Variants in ARID4A observed in about 807,000 individuals in gnomAD.
ARID4A encodes AT-rich interactive domain-containing protein 4A.
Under a neutral mutation model 148.6 loss-of-function variants are expected in ARID4A, and 39 were observed. The ratio of observed to expected loss-of-function variants is 0.26; its 90% CI spans 0.20 to 0.34. ARID4A has a LOEUF of 0.34. Among genes scored for constraint, ARID4A ranks in the 10% least tolerant of loss-of-function variants. ARID4A has a pLI of 1.00. For synonymous variants in ARID4A, 475 were observed against 481.2 expected (o/e 0.99, Z 0.17); for missense variants, 1,265 against 1,449.1 (o/e 0.87, Z 2.06).
In ARID4A at chr14:58,306,589, C is replaced by T. The variant is rs112336016; in HGVS notation, c.274+477C>T. Among the ~76,000 whole-genome samples the T allele has an allele frequency of 2.2e-4, 34 of 152,270 alleles. No homozygotes were observed. The Middle Eastern group carries it at 0.014, about 61-fold the overall frequency. On this transcript the variant is annotated intron_variant, in intron 5 of 23. Transcript: ENST00000355431. ...ACAGTGTGGGTGCTCATATTAACAG[C>T]TTTCAAGGTCGGGCATGTTGGCTCA...
chr14:58,322,978 A>AT (rs1401747140), intron 7 of ARID4A, among the ~76,000 whole-genome samples: 17 of 141,182 alleles, frequency 1.2e-4, no homozygotes, highest in South Asian at 6.7e-4. Flanking sequence ...AAAAAAAAAA[A>AT]AAATATATAT....
chr14:58,313,941 ACTGGCACATGTGCCAGTTTCCT>A (rs542394544), intron 5 of ARID4A, among the ~76,000 whole-genome samples: 3 of 152,124 alleles, frequency 2.0e-5, no homozygotes, highest in Non-Finnish European at 4.4e-5. Flanking sequence ...CACCTGGTTC[ACTGGCACATGTGCCAGTTTCCT>A]CTGGCACACC....
At chr14:58,304,820 C>G (rs1357389863) in intron 3 of ARID4A, 124 bp from the exon 4 acceptor site, 3 of 772,696 alleles carry the variant, frequency 3.9e-6, no homozygotes, top group Non-Finnish European at 6.4e-6. Context: ...ATAAGTATTA[C>G]ATTAGCAGGG....
chr14:58,352,529 ATTTAT>A (rs1361242336), intron 16 of ARID4A, among the ~76,000 whole-genome samples: 2 of 152,336 alleles, frequency 1.3e-5, no homozygotes, highest in Non-Finnish European at 2.9e-5. Flanking sequence ...ATGGACAAAG[ATTTAT>A]TTTAGAGAAA....
At chr14:58,354,660 A>T (rs1026566886) in intron 17 of ARID4A, among the ~76,000 whole-genome samples, 7 of 150,984 alleles carry the variant, frequency 4.6e-5, no homozygotes, top group African/African-American at 1.7e-4. Flanking sequence ...TCCAGCCTGG[A>T]TGATAGAGCG....
intron 5 of ARID4A, among the ~76,000 whole-genome samples, chr14:58,315,726 A>G (rs1306315018): frequency 6.6e-6 from 1 of 152,254 alleles, no homozygotes; most frequent in Non-Finnish European, 1.5e-5. Context: ...ACTTGACACT[A>G]TATGAATCAT....
At position 58,356,819 on chromosome 14, in the gene ARID4A, A is replaced by G. The variant is rs1230319719; in HGVS notation, c.1854-2313A>G. ...TGGGTTCAAGCGATTCTCCTGCCTCAGCCTCCCAAGTAGCTGGGACTACAG... is the reference window on the plus strand; with the variant it reads ...TGGGTTCAAGCGATTCTCCTGCCTCGGCCTCCCAAGTAGCTGGGACTACAG... On this transcript the variant is annotated intron_variant, in intron 17 of 23. Transcript: ENST00000355431. Among the ~76,000 whole-genome samples, 14 of 150,780 alleles carry G rather than the reference A, an allele frequency of 9.3e-5. No homozygotes were observed. In the Admixed American group the frequency reaches 9.3e-4, roughly 10 times the overall value.
intron 8 of ARID4A, among the ~76,000 whole-genome samples, chr14:58,326,036 C>T (rs966234665): frequency 2.0e-5 from 3 of 151,990 alleles, no homozygotes; most frequent in African/African-American, 7.3e-5. Flanking sequence ...GACTCCCTGG[C>T]CTGAGAGATT....
intron 3 of ARID4A, 49 bp from the exon 4 acceptor site, chr14:58,304,895 T>G (rs747739878): frequency 7.0e-7 from 1 of 1,423,782 alleles, no homozygotes; most frequent in South Asian, 1.2e-5. Flanking sequence ...ACTATAAATG[T>G]ATTTGTTTTA....
At chr14:58,360,838 A>AGTAGAATGTTC in intron 18 of ARID4A, 63 bp from the exon 19 acceptor site, 1 of 1,520,974 alleles carries the variant, frequency 6.6e-7, no homozygotes, top group Non-Finnish European at 9.0e-7. Flanking sequence ...TCTTTGGATA[A>AGTAGAATGTTC]GTAGAATGTT....
chr14:58,318,888 A>G, intron 7 of ARID4A, 83 bp downstream of exon 7: 1 of 1,146,258 alleles, frequency 8.7e-7, no homozygotes, highest in Non-Finnish European at 1.3e-6. Context: ...GGCTAAATTC[A>G]TTTGGGTAAG....
chr14:58,328,359 A>T, intron 9 of ARID4A, 43 bp downstream of exon 9: 1 of 1,317,256 alleles, frequency 7.6e-7, no homozygotes, highest in East Asian at 2.3e-5. Flanking sequence ...GGAGGAAAAA[A>T]AAAATAGAAT....
intron 5 of ARID4A, among the ~76,000 whole-genome samples, chr14:58,317,726 C>T (rs1168872080): frequency 7.5e-6 from 1 of 133,270 alleles, no homozygotes; most frequent in African/African-American, 2.9e-5. Flanking sequence ...TGGTTTTTCG[C>T]GGCTCAAGCA....
At chr14:58,347,337 A>G (rs1033334366) in intron 14 of ARID4A, among the ~76,000 whole-genome samples, 1 of 152,206 alleles carries the variant, frequency 6.6e-6, no homozygotes, top group Non-Finnish European at 1.5e-5. Context: ...CAAAATCAGG[A>G]TGCAGGTAGT....
rs79420141 is a variant in ARID4A, at chr14:58,334,739, A to T, written c.906+4570A>T. Among the ~76,000 whole-genome samples, 286 of 151,714 alleles carry T rather than the reference A, an allele frequency of 1.9e-3. 1 individual carries two copies. The highest frequency in any genetic ancestry group is 3.3e-3 in the Non-Finnish European group (222 of 67,884). On this transcript the variant is annotated intron_variant, in intron 11 of 23. Coordinates refer to ENST00000355431, the MANE Select transcript of ARID4A (RefSeq NM_002892.4). ...ATGAGTCTCTCAGGTTATGCTGTGGATCTCATTCCCTTCCTCTTTTCAGGA... is the reference window on the plus strand; with the variant it reads ...ATGAGTCTCTCAGGTTATGCTGTGGTTCTCATTCCCTTCCTCTTTTCAGGA...
chr14:58,326,253 T>C (rs1566685655), intron 8 of ARID4A, among the ~76,000 whole-genome samples: 1 of 152,220 alleles, frequency 6.6e-6, no homozygotes, highest in South Asian at 2.1e-4. Context: ...CTGGCTAACA[T>C]GGTGAAACCC....
intron 5 of ARID4A, among the ~76,000 whole-genome samples, chr14:58,308,488 T>C (rs1021586381): frequency 2.0e-5 from 3 of 152,270 alleles, no homozygotes; most frequent in Non-Finnish European, 2.9e-5. Context: ...ATTTTTGCAC[T>C]TACGTGCATG....
At chr14:58,353,997 C>A in intron 17 of ARID4A, 142 bp downstream of exon 17, 1 of 733,128 alleles carries the variant, frequency 1.4e-6, no homozygotes, top group Non-Finnish European at 2.2e-6. Flanking sequence ...AAGACTTTGA[C>A]ATTCCTGCTG....
intron 11 of ARID4A, among the ~76,000 whole-genome samples, chr14:58,334,957 C>T (rs2033733481): frequency 6.6e-6 from 1 of 152,174 alleles, no homozygotes; most frequent in South Asian, 2.1e-4. Context: ...TCTTCATCGT[C>T]ATGGCCAGAA....
Sources: gnomAD v4.1 joint callset for allele counts (sites outside exome capture counted in the v4.1 genomes callset) on GRCh38, gnomAD v4.1.1 for gene constraint, MANE v1.5 for transcripts, NCBI Gene and HGNC (gene_info 2026-07-23, HGNC 2026-07-21) for gene names.